Variants in KDM4B observed in about 807,000 individuals in gnomAD.
KDM4B encodes the protein lysine-specific demethylase 4B.
Under a neutral mutation model 125.2 loss-of-function variants are expected in KDM4B, and 32 were observed. That is an observed-to-expected ratio of 0.26 (90% CI 0.19 to 0.34). KDM4B has a LOEUF of 0.34. Ranked by LOEUF, KDM4B falls within the 10% of genes least tolerant of loss-of-function variation. The probability of loss-of-function intolerance (pLI) is 1.00; values close to 1 mark genes in which losing one functional copy is unlikely to be tolerated. For missense variants in KDM4B, 1,190 were observed against 1,577.7 expected (o/e 0.75, Z 4.16); for synonymous variants, 721 against 677.9 (o/e 1.06, Z -0.99).
rs572505991 is a variant in KDM4B, at chr19:5,151,436, C to T, written c.3216C>T (p.Ser1072=). 88 of 1,558,482 alleles carry T rather than the reference C, an allele frequency of 5.6e-5. No homozygotes were observed. The East Asian group carries it at 8.0e-4, about 14-fold the overall frequency. The change falls in exon 23 of 23, where the codon TCC becomes TCT. Residue 1072 remains serine, a synonymous_variant. Coordinates refer to ENST00000159111, the MANE Select transcript of KDM4B (RefSeq NM_015015.3). ...RVGTPLATED[S]GRSQDYVAFV... The stretch of plus-strand genomic sequence containing the variant: ...GCACCCCGCTTGCCACGGAGGACTC[C>T]GGGCGGAGCCAGGACTACGTGGCCT...
chr19:5,150,234 T>C (rs1181294476), intron 21 of KDM4B, 124 bp from the exon 22 acceptor site: 8 of 649,278 alleles, frequency 1.2e-5, no homozygotes, highest in South Asian at 1.1e-4. Context: ...CTTGGCTGCA[T>C]GTGGCCTCTA....
At chr19:5,032,222 A>G (rs1905934951) in intron 2 of KDM4B, among the ~76,000 whole-genome samples, 1 of 152,054 alleles carries the variant, frequency 6.6e-6, no homozygotes, top group African/African-American at 2.4e-5. Flanking sequence ...GCCTGGTGCA[A>G]TCCCCCATTC....
At chr19:5,004,634 C>T (rs538860314) in intron 1 of KDM4B, among the ~76,000 whole-genome samples, 36 of 152,276 alleles carry the variant, frequency 2.4e-4, no homozygotes, top group Middle Eastern at 6.8e-3. Flanking sequence ...TAGTTGAGAA[C>T]GCTTGACTGT....
In KDM4B at chr19:5,110,611, C is replaced by G. The variant is rs975369734; in HGVS notation, c.919-11C>G. ...GTGGCGCGAGGGCTCAGACCGTGTC[C>G]CCTGCCGCAGTGCACGTGCCGGAAG... On this transcript the variant is annotated splice_polypyrimidine_tract_variant and intron_variant, in intron 9 of 22. Transcript: ENST00000159111. 6.2e-7 allele frequency: 1 copy of G among 1,612,706 alleles called. No homozygotes were observed. Among genetic ancestry groups the G allele is most frequent in the Admixed American group, 1.7e-5 (1 of 60,008 alleles).
At chr19:5,070,855 C>T (rs891737495) in intron 6 of KDM4B, 155 bp from the exon 7 acceptor site, 6 of 648,008 alleles carry the variant, frequency 9.3e-6, no homozygotes, top group Admixed American at 3.2e-5. Context: ...AAAGCCCCCA[C>T]CCCCGGCCAT....
In KDM4B at chr19:5,119,792, G is replaced by A. The variant is rs770149637; in HGVS notation, c.1255G>A (p.Glu419Lys). The change falls in exon 11 of 23, where the codon GAG becomes AAG. Residue 419 changes from glutamate (E) to lysine (K), a missense_variant. Physicochemically the swap from Glu to Lys is moderately conservative, Grantham distance 56. Transcript: ENST00000159111. Reference sequence around the variant, plus strand: ...GGAGGCTGGGCCGGAGGTTGACCCCGAGGAGGAGGAGGAGGAGCCGCAGCC... The same window carrying A: ...GGAGGCTGGGCCGGAGGTTGACCCCAAGGAGGAGGAGGAGGAGCCGCAGCC... Reference protein sequence around the residue: ...KEEAGPEVDPEEEEEEPQPLP... With the variant: ...KEEAGPEVDPKEEEEEPQPLP... 8 of 1,463,600 alleles carry A rather than the reference G, an allele frequency of 5.5e-6. No individual in the cohort carries two copies. Among genetic ancestry groups the A allele is most frequent in the Admixed American group, 2.2e-5 (1 of 45,050 alleles). The allele number at this position is 1,463,600 out of a possible 1,614,324, so 90.7% of individuals were successfully genotyped here.
At chr19:5,005,015 C>T (rs2035513203) in intron 1 of KDM4B, among the ~76,000 whole-genome samples, 1 of 152,212 alleles carries the variant, frequency 6.6e-6, no homozygotes, top group African/African-American at 2.4e-5. Flanking sequence ...TCTAGAGGTA[C>T]CTGTGTAGCG....
chr19:5,015,663 G>A (rs1450665102), intron 1 of KDM4B, among the ~76,000 whole-genome samples: 2 of 152,154 alleles, frequency 1.3e-5, no homozygotes, highest in South Asian at 2.1e-4. Context: ...CAGCCTGGAC[G>A]CTATAGTGAG....
chr19:5,006,402 T>G (rs1225071421), intron 1 of KDM4B, among the ~76,000 whole-genome samples: 1 of 152,178 alleles, frequency 6.6e-6, no homozygotes, highest in South Asian at 2.1e-4. Flanking sequence ...CGCCGCATCT[T>G]TCTGACTCGT....
chr19:5,115,945 C>T lies in KDM4B; in HGVS notation c.1116-3708C>T, dbSNP rs187305082. Among the ~76,000 whole-genome samples the T allele has an allele frequency of 1.2e-3, 182 of 152,152 alleles. No individual in the cohort carries two copies. The highest frequency in any genetic ancestry group is 4.2e-3 in the African/African-American group (175 of 41,520). Reference sequence around the variant, plus strand: ...GAGTTTCAGAAAAAGAAAAGTGTCCCGGGACCCAAAGGCTTTGCATTTCCA... The same window carrying T: ...GAGTTTCAGAAAAAGAAAAGTGTCCTGGGACCCAAAGGCTTTGCATTTCCA... On this transcript the variant is annotated intron_variant, in intron 10 of 22. Coordinates refer to ENST00000159111, the MANE Select transcript of KDM4B (RefSeq NM_015015.3). This position sits in a 1 kb window ranked among gnomAD's most constrained non-coding sequence, Gnocchi z 4.2.
chr19:5,075,845 G>C (rs2038089096), intron 7 of KDM4B: 1 of 152,720 alleles, frequency 6.5e-6, no homozygotes, highest in Non-Finnish European at 1.5e-5. Flanking sequence ...TGAGTCAGTT[G>C]GTGGCCCGGG....
chr19:4,972,654 C>T (rs1245186681), intron 1 of KDM4B, among the ~76,000 whole-genome samples: 1 of 152,254 alleles, frequency 6.6e-6, no homozygotes, highest in Non-Finnish European at 1.5e-5. Flanking sequence ...GAACCTTGGA[C>T]TTGGCCTTCA....
chr19:4,987,359 T>C (rs2034873234), intron 1 of KDM4B, among the ~76,000 whole-genome samples: 1 of 152,148 alleles, frequency 6.6e-6, no homozygotes, highest in African/African-American at 2.4e-5. Flanking sequence ...ATATATTGGT[T>C]TTAGGGTGAA....
intron 9 of KDM4B, among the ~76,000 whole-genome samples, chr19:5,088,757 C>T (rs2038593121): frequency 6.6e-6 from 1 of 151,414 alleles, no homozygotes; most frequent in South Asian, 2.1e-4. Context: ...AGCAGGACGC[C>T]CCTGCCAGCT....
intron 9 of KDM4B, among the ~76,000 whole-genome samples, chr19:5,084,464 T>C (rs925627120): frequency 7.2e-6 from 1 of 138,510 alleles, no homozygotes; most frequent in Non-Finnish European, 1.5e-5. Context: ...AATTTATATA[T>C]TATATATAAA....
intron 9 of KDM4B, among the ~76,000 whole-genome samples, chr19:5,088,847 A>G (rs2038596455): frequency 6.6e-6 from 1 of 152,070 alleles, no homozygotes; most frequent in Non-Finnish European, 1.5e-5. Context: ...AAACAAAGAG[A>G]AGTGGGAGCT....
intron 18 of KDM4B, among the ~76,000 whole-genome samples, chr19:5,139,535 C>G (rs913774700): frequency 1.3e-5 from 2 of 152,250 alleles, no homozygotes; most frequent in Non-Finnish European, 2.9e-5. Context: ...GACTCCCATC[C>G]GCACCCCCCG....
chr19:5,124,431 A>G (rs1415205405), intron 11 of KDM4B, among the ~76,000 whole-genome samples: 2 of 152,098 alleles, frequency 1.3e-5, no homozygotes, highest in Admixed American at 6.5e-5. Flanking sequence ...CTGGGTTCTC[A>G]GTGGGGCCTC....
chr19:5,149,062 C>G (rs1371537814), intron 21 of KDM4B, among the ~76,000 whole-genome samples: 2 of 152,248 alleles, frequency 1.3e-5, no homozygotes, highest in Non-Finnish European at 2.9e-5. Flanking sequence ...GTGGAACCCA[C>G]AGCAGACACT....
Sources: gnomAD v4.1 joint callset for allele counts (sites outside exome capture counted in the v4.1 genomes callset) on GRCh38, gnomAD v4.1.1 for gene constraint, Gnocchi (gnomAD v3.1) non-coding constraint, MANE v1.5 for transcripts, NCBI Gene and HGNC (gene_info 2026-07-23, HGNC 2026-07-21) for gene names.